NR5A2: variants seen among roughly 807,000 people sequenced by gnomAD.
The protein encoded by NR5A2 is CYP7A promoter-binding factor.
In NR5A2, 26 loss-of-function variants were observed where a neutral mutation model predicts 62.7. The observed-to-expected ratio is 0.41, with a 90% confidence interval of 0.30 to 0.58. NR5A2 has a LOEUF of 0.58. Among genes scored for constraint, NR5A2 ranks in the 20% least tolerant of loss-of-function variants. The pLI, the probability that NR5A2 is intolerant of heterozygous loss-of-function variation, is 0.22. For missense variants in NR5A2, 541 were observed against 669.1 expected (o/e 0.81, Z 2.11); for synonymous variants, 246 against 241.7 (o/e 1.02, Z -0.16).
intron 2 of NR5A2, among the ~76,000 whole-genome samples, chr1:200,041,414 C>G (rs1010642422): frequency 6.6e-6 from 1 of 152,130 alleles, no homozygotes; most frequent in East Asian, 1.9e-4. Flanking sequence ...AAGGCTTCGT[C>G]GGAGACTAGA....
At chr1:200,113,808 A>G (rs1201842750) in intron 6 of NR5A2, among the ~76,000 whole-genome samples, 1 of 152,218 alleles carries the variant, frequency 6.6e-6, no homozygotes, top group Non-Finnish European at 1.5e-5. Flanking sequence ...GAAGGTAGTT[A>G]AAACAATGAT....
chr1:200,104,879 T>C (rs567974612), intron 5 of NR5A2, among the ~76,000 whole-genome samples: 2 of 152,180 alleles, frequency 1.3e-5, no homozygotes, highest in Non-Finnish European at 2.9e-5. Context: ...GCCAGGCTGG[T>C]CTCGAATTCC....
chr1:200,071,411 T>C (rs184074626), intron 5 of NR5A2, among the ~76,000 whole-genome samples: 92 of 152,324 alleles, frequency 6.0e-4, no homozygotes, highest in African/African-American at 2.1e-3. Context: ...TAGCATCAAC[T>C]TTATCGAAAC....
chr1:200,117,603 C>T (rs1302120613), intron 6 of NR5A2, among the ~76,000 whole-genome samples: 5 of 152,136 alleles, frequency 3.3e-5, no homozygotes, highest in Admixed American at 6.5e-5. Flanking sequence ...TAGAACTATA[C>T]ACAACAATAT....
At chr1:200,095,621 C>G (rs932968701) in intron 5 of NR5A2, among the ~76,000 whole-genome samples, 1 of 151,796 alleles carries the variant, frequency 6.6e-6, no homozygotes, top group Non-Finnish European at 1.5e-5. Context: ...GGTGCCATCT[C>G]AGCTCACTCC....
chr1:200,125,397 T>C (rs1666658863), intron 7 of NR5A2, among the ~76,000 whole-genome samples: 1 of 152,238 alleles, frequency 6.6e-6, no homozygotes, highest in African/African-American at 2.4e-5. Context: ...AAATTTTGAA[T>C]GTGACATTTG....
intron 6 of NR5A2, among the ~76,000 whole-genome samples, chr1:200,117,372 T>C (rs530739195): frequency 6.6e-6 from 1 of 152,354 alleles, no homozygotes; most frequent in South Asian, 2.1e-4. Flanking sequence ...AGAAATGTTT[T>C]CTAAGCCCCC....
At chr1:200,049,861 T>C (rs1416135881) in intron 5 of NR5A2, among the ~76,000 whole-genome samples, 1 of 152,188 alleles carries the variant, frequency 6.6e-6, no homozygotes, top group Non-Finnish European at 1.5e-5. Flanking sequence ...TCTGTGTAAG[T>C]AGATGGTCTG....
intron 5 of NR5A2, among the ~76,000 whole-genome samples, chr1:200,090,169 T>A (rs1218921494): frequency 2.6e-5 from 4 of 152,220 alleles, no homozygotes; most frequent in African/African-American, 9.6e-5. Context: ...TCTCACAAAC[T>A]CTAGCACAGA....
At chr1:200,133,300 G>C (rs946482301) in intron 7 of NR5A2, among the ~76,000 whole-genome samples, 5 of 151,898 alleles carry the variant, frequency 3.3e-5, no homozygotes, top group Admixed American at 1.3e-4. Flanking sequence ...CTCTCCTACA[G>C]TCACTCACAC....
intron 6 of NR5A2, among the ~76,000 whole-genome samples, chr1:200,112,478 T>C (rs1665999812): frequency 6.6e-6 from 1 of 152,244 alleles, no homozygotes; most frequent in Non-Finnish European, 1.5e-5. Flanking sequence ...TGTTCAGCCA[T>C]AAATGTTTAT....
intron 7 of NR5A2, among the ~76,000 whole-genome samples, chr1:200,143,506 C>G (rs1405420119): frequency 1.3e-5 from 2 of 151,930 alleles, no homozygotes; most frequent in African/African-American, 4.8e-5. Flanking sequence ...CTGCCCCAGC[C>G]CTGCGCCATG....
At chr1:200,094,748 G>T (rs1029763000) in intron 5 of NR5A2, among the ~76,000 whole-genome samples, 2 of 151,454 alleles carry the variant, frequency 1.3e-5, no homozygotes, top group African/African-American at 4.9e-5. Flanking sequence ...TAGCCAGGAT[G>T]GTGTCGATCT....
intron 7 of NR5A2, among the ~76,000 whole-genome samples, chr1:200,128,290 A>G (rs913118307): frequency 3.9e-5 from 6 of 152,176 alleles, no homozygotes; most frequent in Non-Finnish European, 8.8e-5. Context: ...GGACTCACGC[A>G]GTTCAAACCT....
chr1:200,156,877 T>TA (rs1653414304), intron 7 of NR5A2, among the ~76,000 whole-genome samples: 1 of 152,130 alleles, frequency 6.6e-6, no homozygotes, highest in Non-Finnish European at 1.5e-5. Flanking sequence ...GTGTAGTAAA[T>TA]GAATTTGTGA....
At chr1:200,058,632 C>T (rs1206703536) in intron 5 of NR5A2, among the ~76,000 whole-genome samples, 1 of 151,826 alleles carries the variant, frequency 6.6e-6, no homozygotes, top group Non-Finnish European at 1.5e-5. Flanking sequence ...GCACACGCCA[C>T]CATGCCCTGC....
intron 7 of NR5A2, among the ~76,000 whole-genome samples, chr1:200,132,838 C>T (rs927579397): frequency 7.2e-5 from 11 of 152,204 alleles, no homozygotes; most frequent in Admixed American, 5.2e-4. Context: ...GTCCCTAACA[C>T]CCACATCCCA....
chr1:200,036,706 G>A (rs1278545241), intron 1 of NR5A2, among the ~76,000 whole-genome samples: 1 of 152,108 alleles, frequency 6.6e-6, no homozygotes, highest in Non-Finnish European at 1.5e-5. Context: ...CCCAGGGAGC[G>A]TTTCCCATCG....
At chr1:200,090,548 G>A (rs577330865) in intron 5 of NR5A2, among the ~76,000 whole-genome samples, 1 of 152,314 alleles carries the variant, frequency 6.6e-6, no homozygotes, top group African/African-American at 2.4e-5. Flanking sequence ...GACCATACTC[G>A]TAAAGCCACT....
Sources: allele counts gnomAD v4.1 joint callset (sites outside exome capture counted in the v4.1 genomes callset), GRCh38; gene constraint gnomAD v4.1.1; transcripts MANE v1.5; gene names NCBI Gene and HGNC (gene_info 2026-07-23, HGNC 2026-07-21).